KYNU: variants seen among roughly 807,000 people sequenced by gnomAD.
The protein encoded by KYNU is L-kynurenine hydrolase.
Under a neutral mutation model 59.2 loss-of-function variants are expected in KYNU, and 54 were observed. The observed-to-expected ratio is 0.91, with a 90% CI of 0.73 to 1.14. The LOEUF (loss-of-function observed/expected upper bound fraction) is 1.14, where lower values mean the gene tolerates loss of function less well. KYNU is among the 50% of genes most tolerant of loss of function. The pLI is 0.00. For synonymous variants in KYNU, 177 were observed against 192.0 expected (o/e 0.92, Z 0.65); for missense variants, 567 against 554.4 (o/e 1.02, Z -0.23).
chr2:143,021,030 T>G (rs1686392723), intron 10 of KYNU, among the ~76,000 whole-genome samples: 2 of 152,182 alleles, frequency 1.3e-5, no homozygotes, highest in African/African-American at 2.4e-5. Flanking sequence ...GTATTTATAT[T>G]ATTAGTAACT....
intron 10 of KYNU, among the ~76,000 whole-genome samples, 169 bp downstream of exon 10, chr2:142,986,190 T>A (rs549686701): frequency 6.6e-6 from 1 of 152,114 alleles, no homozygotes; most frequent in Middle Eastern, 3.4e-3. Flanking sequence ...AAATACATGC[T>A]TTCCAAAGAA....
chr2:142,883,186 C>CT lies in KYNU; in HGVS notation c.-19-2136dup, dbSNP rs70997528. On this transcript the variant is annotated intron_variant, in intron 1 of 13. Coordinates refer to ENST00000264170, the MANE Select transcript of KYNU (RefSeq NM_003937.3). The stretch of plus-strand genomic sequence containing the variant: ...AGTTTTCTTTCTGGCTCCCAAATTT[C>CT]TTTTTTTTTTTTTTTTTTTTTTTTT... Among the ~76,000 whole-genome samples, 612 of 72,058 alleles carry CT rather than the reference C, an allele frequency of 8.5e-3. 77 individuals carry two copies. The highest frequency in any genetic ancestry group is 0.016 in the African/African-American group (265 of 16,496). The allele number at this position is 72,058 out of a possible 152,430, so 47.3% of individuals were successfully genotyped here. A position where few individuals can be genotyped will look rare whatever the true frequency, so the allele number is the denominator to read the frequency against.
intron 11 of KYNU, among the ~76,000 whole-genome samples, chr2:143,032,967 A>C (rs1686800706): frequency 6.6e-6 from 1 of 152,198 alleles, no homozygotes; most frequent in South Asian, 2.1e-4. Context: ...AATGAGATCC[A>C]GAAAAACTTC....
chr2:143,038,700 G>A (rs564519464), intron 12 of KYNU, among the ~76,000 whole-genome samples: 1 of 152,186 alleles, frequency 6.6e-6, no homozygotes, highest in South Asian at 2.1e-4. Flanking sequence ...CTTCAGTACA[G>A]TTCCCAGCCT....
In KYNU at chr2:143,019,098, C is replaced by T. The variant is rs149129133; in HGVS notation, c.903-10529C>T. ...TCAGTTAAGAGAGATAATTTAACTT[C>T]TTCTTTTCCTGTCTGAATGATTTTT... On this transcript the variant is annotated intron_variant, in intron 10 of 13. Transcript: ENST00000264170. Among the ~76,000 whole-genome samples, 388 of 152,182 alleles carry T rather than the reference C, an allele frequency of 2.5e-3. 1 individual carries two copies. The highest frequency in any genetic ancestry group is 8.6e-3 in the African/African-American group (356 of 41,532).
At position 143,002,766 on chromosome 2, in the gene KYNU, T is replaced by TA. The variant is rs1685747914; in HGVS notation, c.902+16751dup. 3.3e-5 allele frequency among the ~76,000 whole-genome samples: 5 copies of TA among 152,202 alleles called. No individual in the cohort carries two copies. The South Asian group carries it at 1.0e-3, about 32-fold the overall frequency. ...ACAGCCACTGTTTGCATCAGATTTT[T>TA]AAAAAAGAAAATGCCAAGCAGTACA... On this transcript the variant is annotated intron_variant, in intron 10 of 13. Coordinates refer to ENST00000264170, the MANE Select transcript of KYNU (RefSeq NM_003937.3).
chr2:142,981,933 G>A (rs1335282127), intron 8 of KYNU, among the ~76,000 whole-genome samples: 1 of 152,038 alleles, frequency 6.6e-6, no homozygotes, highest in Non-Finnish European at 1.5e-5. Flanking sequence ...CTGCTGTAGC[G>A]TAAAAGCAGC....
intron 10 of KYNU, among the ~76,000 whole-genome samples, chr2:143,011,503 G>C (rs1686096483): frequency 8.2e-6 from 1 of 122,068 alleles, no homozygotes; most frequent in African/African-American, 3.5e-5. Flanking sequence ...AAGTCAGTGT[G>C]GCGATTCCTC....
chr2:142,906,039 T>TTC (rs1315213598), intron 2 of KYNU, among the ~76,000 whole-genome samples: 5 of 151,316 alleles, frequency 3.3e-5, no homozygotes, highest in African/African-American at 4.9e-5. Flanking sequence ...TCTCTCCCTT[T>TTC]TCTCTCTCTC....
At chr2:142,954,565 A>G (rs1197475104) in intron 4 of KYNU, among the ~76,000 whole-genome samples, 1 of 152,076 alleles carries the variant, frequency 6.6e-6, no homozygotes, top group African/African-American at 2.4e-5. Flanking sequence ...ATGCTTCATT[A>G]TTTTGTTGTT....
rs537441431 is a variant in KYNU at position 142,988,627 on chromosome 2, T to G, written c.902+2606T>G. On this transcript the variant is annotated intron_variant, in intron 10 of 13. Coordinates refer to ENST00000264170, the MANE Select transcript of KYNU (RefSeq NM_003937.3). Reference sequence around the variant, plus strand: ...TATATGTTATTAGCTGTTGTTGCATTTTAACAATTTAGCCATGGAAATTTA... The same window carrying G: ...TATATGTTATTAGCTGTTGTTGCATGTTAACAATTTAGCCATGGAAATTTA... Among the ~76,000 whole-genome samples the G allele has an allele frequency of 2.0e-5, 3 of 152,076 alleles. No individual in the cohort carries two copies. The South Asian group carries it at 6.2e-4, about 32-fold the overall frequency.
chr2:142,883,850 T>C (rs1317147448), intron 1 of KYNU, among the ~76,000 whole-genome samples: 2 of 152,234 alleles, frequency 1.3e-5, no homozygotes, highest in Non-Finnish European at 2.9e-5. Context: ...TTGGCACTTA[T>C]GCACTCTCTC....
rs1395320766 is a variant in KYNU at position 142,893,364 on chromosome 2, A to G, written c.169+7828A>G. Among the ~76,000 whole-genome samples the G allele has an allele frequency of 5.3e-5, 8 of 152,212 alleles. No homozygotes were observed. In the South Asian group the frequency reaches 1.7e-3, roughly 32 times the overall value. On this transcript the variant is annotated intron_variant, in intron 2 of 13. Coordinates refer to ENST00000264170, the MANE Select transcript of KYNU (RefSeq NM_003937.3). The stretch of plus-strand genomic sequence containing the variant: ...GGGAAGAGACATATTCAAAGAAATC[A>G]GAGGGCTTGCCATCATCAGCTATCA...
intron 2 of KYNU, among the ~76,000 whole-genome samples, chr2:142,897,328 G>A (rs779956616): frequency 6.6e-6 from 1 of 152,120 alleles, no homozygotes; most frequent in Non-Finnish European, 1.5e-5. Flanking sequence ...AGAGGACCCT[G>A]GTCACAGATT....
chr2:143,055,656 A>AAGGAAGGG lies in KYNU; in HGVS notation c.*13491_*13492insGAGGAAGG, dbSNP rs1403863771. The stretch of plus-strand genomic sequence containing the variant: ...ACAGGAAGGAAGGAAGGAAGGAAGG[A>AAGGAAGGG]AGGAAGGAAGGAAGGAAGGAAGGAA... On this transcript the variant is annotated 3_prime_UTR_variant, in exon 14 of 14. Coordinates refer to ENST00000264170, the MANE Select transcript of KYNU (RefSeq NM_003937.3). 1.3e-5 allele frequency: 2 copies of AAGGAAGGG among 151,910 alleles called. No homozygotes were observed. Among genetic ancestry groups the AAGGAAGGG allele is most frequent in the Non-Finnish European group, 2.9e-5 (2 of 67,920 alleles). 9.4% of individuals were successfully genotyped at this position (151,910 alleles called of 1,614,324 possible).
intron 10 of KYNU, chr2:142,988,876 G>A: frequency 6.2e-7 from 1 of 1,608,768 alleles, no homozygotes; most frequent in East Asian, 2.2e-5. Context: ...GGAATGGAAT[G>A]CAACAGATTT....
chr2:142,988,976 C>T (rs1278209699), intron 10 of KYNU: 1 of 1,165,660 alleles, frequency 8.6e-7, no homozygotes, highest in Non-Finnish European at 1.3e-6. Flanking sequence ...ACTTTGTGTC[C>T]CTTAGTGTGT....
At chr2:142,903,974 CGTTTATCCT>C (rs1388927958) in intron 2 of KYNU, among the ~76,000 whole-genome samples, 1 of 152,138 alleles carries the variant, frequency 6.6e-6, no homozygotes, top group African/African-American at 2.4e-5. Flanking sequence ...TTCTTTATCC[CGTTTATCCT>C]GTTCTGCCTG....
chr2:142,981,159 A>G (rs1685041037), intron 8 of KYNU, among the ~76,000 whole-genome samples: 1 of 152,172 alleles, frequency 6.6e-6, no homozygotes, highest in African/African-American at 2.4e-5. Flanking sequence ...ACGTGGTACC[A>G]CAAATGTGGC....
Sources: allele counts gnomAD v4.1 joint callset (sites outside exome capture counted in the v4.1 genomes callset), GRCh38; gene constraint gnomAD v4.1.1; transcripts MANE v1.5; gene names NCBI Gene and HGNC (gene_info 2026-07-23, HGNC 2026-07-21).